CDK15: variants seen among roughly 807,000 people sequenced by gnomAD.
The protein encoded by CDK15 is cyclin dependent kinase 15, also known as cyclin-dependent kinase 15.
Under a neutral mutation model 60.3 loss-of-function variants are expected in CDK15, and 62 were observed. That is an observed-to-expected ratio of 1.03 (90% CI 0.84 to 1.27). CDK15 has a LOEUF of 1.27. Among genes scored for constraint, CDK15 ranks in the 50% most tolerant of loss-of-function variants. The pLI is 0.00. For missense variants in CDK15, 541 were observed against 527.8 expected (o/e 1.03, Z -0.25); for synonymous variants, 194 against 195.7 (o/e 0.99, Z 0.07).
intron 10 of CDK15, among the ~76,000 whole-genome samples, chr2:201,855,554 C>T (rs932950480): frequency 2.3e-4 from 35 of 152,226 alleles, no homozygotes; most frequent in African/African-American, 8.2e-4. Context: ...TCAGAGGGAT[C>T]AGATTAAGCA....
intron 6 of CDK15, among the ~76,000 whole-genome samples, chr2:201,833,023 C>T (rs1231328351): frequency 1.4e-5 from 2 of 142,636 alleles, no homozygotes; most frequent in East Asian, 4.2e-4. Context: ...TTCTTTTTTT[C>T]CCGTAAGTTT....
intron 12 of CDK15, among the ~76,000 whole-genome samples, chr2:201,887,483 C>T (rs16838371): frequency 0.075 from 11,454 of 152,198 alleles, 669 homozygotes; most frequent in African/African-American, 0.15. Context: ...GATTGAGAGT[C>T]AAAGGACCTG....
chr2:201,855,486 G>T (rs1195928580), intron 10 of CDK15, among the ~76,000 whole-genome samples: 1 of 152,160 alleles, frequency 6.6e-6, no homozygotes, highest in Non-Finnish European at 1.5e-5. Flanking sequence ...GATCGATTTA[G>T]AAGTGCTGGA....
intron 4 of CDK15, among the ~76,000 whole-genome samples, chr2:201,812,969 G>A (rs1233740277): frequency 6.6e-6 from 1 of 152,194 alleles, no homozygotes; most frequent in Non-Finnish European, 1.5e-5. Context: ...TTCTCCAGAA[G>A]GCATGCATGT....
chr2:201,845,526 C>T (rs6713565), intron 8 of CDK15, among the ~76,000 whole-genome samples: 110,895 of 149,340 alleles, frequency 0.74, 41,731 homozygotes, highest in Middle Eastern at 0.82. Flanking sequence ...CCTAGGCAGG[C>T]AGATTGCTTG....
intron 10 of CDK15, among the ~76,000 whole-genome samples, chr2:201,857,232 C>A (rs1456958894): frequency 0.011 from 15 of 1,422 alleles, no homozygotes; most frequent in East Asian, 0.083. Flanking sequence ...GACTCCGTCT[C>A]AAAAAAAAAA....
At chr2:201,864,632 TAAAG>T (rs1173449116) in intron 10 of CDK15, among the ~76,000 whole-genome samples, 1 of 152,052 alleles carries the variant, frequency 6.6e-6, no homozygotes, top group Non-Finnish European at 1.5e-5. Context: ...GGATGGTTTT[TAAAG>T]AAAGAGATGT....
intron 11 of CDK15, among the ~76,000 whole-genome samples, chr2:201,874,139 A>G (rs1367150668): frequency 1.3e-5 from 2 of 151,858 alleles, no homozygotes; most frequent in Admixed American, 1.3e-4. Context: ...TACAGTAGCC[A>G]TTAGCCACAT....
At chr2:201,861,404 TCTC>T (rs1353196156) in intron 10 of CDK15, 3 of 985,536 alleles carry the variant, frequency 3.0e-6, no homozygotes, top group Middle Eastern at 5.2e-4. Context: ...CAAACCTTGT[TCTC>T]CTTTCATTAA....
At chr2:201,836,191 T>TTATATATTATATATATTTTTATATA (rs1697077306) in intron 8 of CDK15, among the ~76,000 whole-genome samples, 1 of 106,970 alleles carries the variant, frequency 9.3e-6, no homozygotes, top group East Asian at 3.3e-4. Flanking sequence ...ATATATTTTT[T>TTATATATTATATATATTTTTATATA]TATATATATA....
At position 201,893,321 on chromosome 2, in the gene CDK15, G is replaced by A. The variant is rs1370465825; in HGVS notation, c.*54G>A. The stretch of plus-strand genomic sequence containing the variant: ...TCCAGGGCTGTATTTCTGCAGTTTC[G>A]GTTTTCATTTGCTTCAGCTTACTAA... On this transcript the variant is annotated 3_prime_UTR_variant, in exon 14 of 14. Transcript: ENST00000652192. 1.3e-5 allele frequency: 2 copies of A among 151,846 alleles called. No individual in the cohort carries two copies. The highest frequency in any genetic ancestry group is 6.6e-5 in the Admixed American group (1 of 15,222). The allele number at this position is 151,846 out of a possible 1,614,324, so 9.4% of individuals were successfully genotyped here. A position where few individuals can be genotyped will look rare whatever the true frequency, so the allele number is the denominator to read the frequency against.
intron 8 of CDK15, among the ~76,000 whole-genome samples, chr2:201,843,908 AATTGTG>A (rs1559130979): frequency 1.3e-5 from 2 of 152,016 alleles, no homozygotes; most frequent in East Asian, 3.9e-4. Flanking sequence ...GACACTAAGG[AATTGTG>A]TAACAAAATG....
chr2:201,824,703 C>A, intron 6 of CDK15: 1 of 418,128 alleles, frequency 2.4e-6, no homozygotes, highest in Non-Finnish European at 4.0e-6. Flanking sequence ...ACCCAAGAGC[C>A]ATATCAGCGC....
intron 12 of CDK15, among the ~76,000 whole-genome samples, chr2:201,888,015 G>C (rs1699518339): frequency 6.7e-6 from 1 of 148,340 alleles, no homozygotes; most frequent in Non-Finnish European, 1.5e-5. Flanking sequence ...ATTTTGAAAT[G>C]ATAGCTTAAT....
At chr2:201,881,746 A>T (rs1285792746) in intron 12 of CDK15, among the ~76,000 whole-genome samples, 1 of 151,700 alleles carries the variant, frequency 6.6e-6, no homozygotes, top group East Asian at 1.9e-4. Context: ...CTCTGCCCCC[A>T]CTTCAGCCCC....
At chr2:201,849,659 C>T (rs1337698075) in intron 9 of CDK15, among the ~76,000 whole-genome samples, 2 of 151,880 alleles carry the variant, frequency 1.3e-5, no homozygotes, top group African/African-American at 2.4e-5. Context: ...CAAACATAAA[C>T]TATGTATATA....
rs143190734 is a variant in CDK15, at chr2:201,859,408, C to T, written c.1009+4471C>T. Among the ~76,000 whole-genome samples the T allele has an allele frequency of 2.6e-5, 4 of 152,310 alleles. No individual in the cohort carries two copies. The East Asian group carries it at 7.7e-4, about 29-fold the overall frequency. On this transcript the variant is annotated intron_variant, in intron 10 of 13. Transcript: ENST00000652192. ...TCCCTACCACTCCCACGAAAATGCA[C>T]TCAGGAGCCACTCCGCTTTGAAGAC...
chr2:201,809,395 T>G (rs993556567), intron 3 of CDK15, among the ~76,000 whole-genome samples: 1 of 152,214 alleles, frequency 6.6e-6, no homozygotes, highest in Non-Finnish European at 1.5e-5. Flanking sequence ...ATATTGTATA[T>G]TCACAATCAC....
chr2:201,817,505 C>T (rs555575366), intron 4 of CDK15, among the ~76,000 whole-genome samples: 65 of 152,218 alleles, frequency 4.3e-4, no homozygotes, highest in African/African-American at 1.4e-3. Flanking sequence ...TCTACAGTGC[C>T]GGTAATTGCA....
Sources: allele counts gnomAD v4.1 joint callset (sites outside exome capture counted in the v4.1 genomes callset), GRCh38; gene constraint gnomAD v4.1.1; transcripts MANE v1.5; gene names NCBI Gene and HGNC (gene_info 2026-07-23, HGNC 2026-07-21).